The following SLC25A3 variants were observed in gnomAD, a reference collection of about 807,000 sequenced individuals.
SLC25A3 encodes solute carrier family 25 member 3.
In SLC25A3, 14 loss-of-function variants were observed where a neutral mutation model predicts 37.1. The observed-to-expected ratio is 0.38, with a 90% CI of 0.25 to 0.59. SLC25A3 has a LOEUF of 0.59. Ranked by LOEUF, SLC25A3 falls within the 20% of genes least tolerant of loss-of-function variation. SLC25A3 has a pLI of 0.67. For synonymous variants in SLC25A3, 161 were observed against 168.7 expected (o/e 0.95, Z 0.36); for missense variants, 385 against 458.1 (o/e 0.84, Z 1.46).
At chr12:98,595,115 T>G (rs1198072501) in intron 2 of SLC25A3, 3 of 332,244 alleles carry the variant, frequency 9.0e-6, no homozygotes, top group Non-Finnish European at 1.7e-5. Context: ...CTGAGTTTCG[T>G]TTGTACTCTG....
Position 98,604,524 on chromosome 12 carries a change from G to T in SLC25A3, c.*2996G>T, listed in dbSNP as rs1325778679. 3 of 151,620 alleles carry T rather than the reference G, an allele frequency of 2.0e-5. No individual in the cohort carries two copies. The East Asian group carries it at 5.8e-4, about 29-fold the overall frequency. The allele number at this position is 151,620 out of a possible 1,614,324, so 9.4% of individuals were successfully genotyped here. ...TTTTTTTTTTTTCCCTAGAGAACAG[G>T]GTTCTTGCTTTGTCGCCCAGGCTGG... On this transcript the variant is annotated 3_prime_UTR_variant, in exon 8 of 8. Coordinates refer to ENST00000552981, the MANE Select transcript of SLC25A3 (RefSeq NM_002635.4).
Position 98,598,680 on chromosome 12 carries a change from GTA to G in SLC25A3, c.621_622del (p.Tyr207Ter), listed in dbSNP as rs996812877. On this transcript the variant is annotated frameshift_variant, in exon 5 of 8. Transcript: ENST00000552981. LOFTEE classifies it high-confidence loss of function. ...CTTTGAGGGATGCAGCTCCCAAAAT[GTA>G]TAAGGAAGAAGGCCTAAAAGCGTAA... ...NTLRDAAPKM[Y>X]KEEGLKAFYK... is the part of the protein sequence containing the mutation. The G allele has an allele frequency of 4.3e-6, 7 of 1,613,722 alleles. No individual in the cohort carries two copies. In the Admixed American group the frequency reaches 5.0e-5, roughly 12 times the overall value.
chr12:98,600,747 GA>G (rs2097597212), intron 6 of SLC25A3, among the ~76,000 whole-genome samples: 1 of 152,138 alleles, frequency 6.6e-6, no homozygotes, highest in Admixed American at 6.5e-5. Context: ...CCATGTTGAT[GA>G]GTCTGGTCTC....
intron 6 of SLC25A3, chr12:98,600,943 TTTA>T: frequency 2.2e-6 from 1 of 461,786 alleles, no homozygotes; most frequent in Non-Finnish European, 3.9e-6. Context: ...TTTGTTGTTG[TTTA>T]TTAAGAATTT....
At chr12:98,598,475 C>T in intron 4 of SLC25A3, 47 bp from the exon 5 acceptor site, 1 of 1,611,478 alleles carries the variant, frequency 6.2e-7, no homozygotes, top group Non-Finnish European at 8.5e-7. Context: ...CAATTGAAAA[C>T]CAACACAACA....
chr12:98,599,784 A>G (rs1360761991), intron 5 of SLC25A3, 171 bp from the exon 6 acceptor site: 1 of 819,288 alleles, frequency 1.2e-6, no homozygotes, highest in Non-Finnish European at 2.1e-6. Context: ...TTGGCATGTA[A>G]GAGAAATATA....
Position 98,605,285 on chromosome 12 carries a change from T to G in SLC25A3, c.*3757T>G, listed in dbSNP as rs2097600603. The G allele has an allele frequency of 6.6e-6, 1 of 152,212 alleles. No individual in the cohort carries two copies. The highest frequency in any genetic ancestry group is 1.5e-5 in the Non-Finnish European group (1 of 68,108). The allele number at this position is 152,212 out of a possible 1,614,324, so 9.4% of individuals were successfully genotyped here. A position where few individuals can be genotyped will look rare whatever the true frequency, so the allele number is the denominator to read the frequency against. On this transcript the variant is annotated 3_prime_UTR_variant, in exon 8 of 8. Transcript: ENST00000552981. The stretch of plus-strand genomic sequence containing the variant: ...ATTAAGGGGTGTGGTGACACATGCC[T>G]GTAGTCTCAACTATTTGGGAGGCTG...
In SLC25A3 at chr12:98,603,877, A is replaced by G. The variant is rs1034896958; in HGVS notation, c.*2349A>G. On this transcript the variant is annotated 3_prime_UTR_variant, in exon 8 of 8. Transcript: ENST00000552981. The stretch of plus-strand genomic sequence containing the variant: ...AAGATTCTAGTAAGAAAATTTTAAT[A>G]TGTATGTATTGGTGTTCTTTTTACA... The G allele has an allele frequency of 2.0e-5, 3 of 152,158 alleles. No homozygotes were observed. Among genetic ancestry groups the G allele is most frequent in the Non-Finnish European group, 4.4e-5 (3 of 68,052 alleles). 9.4% of individuals were successfully genotyped at this position (152,158 alleles called of 1,614,324 possible). A position where few individuals can be genotyped will look rare whatever the true frequency, so the allele number is the denominator to read the frequency against.
rs115293783 is a variant in SLC25A3 at position 98,596,779 on chromosome 12, C to T, written c.279+931C>T. 1.2e-3 allele frequency among the ~76,000 whole-genome samples: 176 copies of T among 152,132 alleles called. 1 individual carries two copies. Among genetic ancestry groups the T allele is most frequent in the African/African-American group, 4.0e-3 (164 of 41,486 alleles). On this transcript the variant is annotated intron_variant, in intron 3 of 7. Coordinates refer to ENST00000552981, the MANE Select transcript of SLC25A3 (RefSeq NM_002635.4). ...CTGGAATGCCAGCATTTTGGGTAGC[C>T]GAAGCAGGTGGGTCACTTGAGGTCA... is the stretch of plus-strand genomic sequence containing the variant.
intron 5 of SLC25A3, 115 bp downstream of exon 5, chr12:98,598,818 C>T: frequency 1.0e-6 from 1 of 994,788 alleles, no homozygotes; most frequent in Non-Finnish European, 1.5e-6. Context: ...CTCTGTCACC[C>T]AGGCTGGAGT....
rs1239155931 is a variant in SLC25A3 at position 98,602,692 on chromosome 12, T to G, written c.*1164T>G. 1 of 152,198 alleles carries G rather than the reference T, an allele frequency of 6.6e-6. No individual in the cohort carries two copies. Among genetic ancestry groups the G allele is most frequent in the East Asian group, 1.9e-4 (1 of 5,204 alleles). The allele number at this position is 152,198 out of a possible 1,614,324, so 9.4% of individuals were successfully genotyped here. A position where few individuals can be genotyped will look rare whatever the true frequency, so the allele number is the denominator to read the frequency against. On this transcript the variant is annotated 3_prime_UTR_variant, in exon 8 of 8. Transcript: ENST00000552981. ...TTAGGAAGTGTATAAAAGTTCAATC[T>G]TTTGTAATGACAGCCCACCACTGGA...
intron 2 of SLC25A3, 136 bp downstream of exon 2, chr12:98,594,271 G>A: frequency 1.3e-6 from 1 of 772,102 alleles, no homozygotes. Flanking sequence ...CCAGTTGCTT[G>A]CCCTGGGGTA....
At chr12:98,601,006 G>T (rs191269078) in intron 6 of SLC25A3, 165 bp from the exon 7 acceptor site, 4 of 689,976 alleles carry the variant, frequency 5.8e-6, no homozygotes, top group African/African-American at 1.8e-5. Context: ...AGATTGTTCC[G>T]TTTTACATAG....
intron 3 of SLC25A3, 47 bp downstream of exon 3, chr12:98,595,895 ACT>A: frequency 1.3e-6 from 2 of 1,525,292 alleles, no homozygotes; most frequent in South Asian, 2.2e-5. Flanking sequence ...ATGTGACTTA[ACT>A]CTAAATAAAA....
At chr12:98,600,498 C>T (rs991438972) in intron 6 of SLC25A3, among the ~76,000 whole-genome samples, 3 of 152,258 alleles carry the variant, frequency 2.0e-5, no homozygotes, top group East Asian at 1.9e-4. Flanking sequence ...CTGCAGCCTC[C>T]GCCTCCTGGG....
Position 98,597,903 on chromosome 12 carries a change from A to C in SLC25A3, c.327A>C (p.Thr109=). 6.2e-7 allele frequency: 1 copy of C among 1,614,122 alleles called. No individual in the cohort carries two copies. Among genetic ancestry groups the C allele is most frequent in the South Asian group, 1.1e-5 (1 of 91,080 alleles). The change falls in exon 4 of 8, where the codon ACA becomes ACC. Residue 109 remains threonine (T), a synonymous_variant. Transcript: ENST00000552981. Reference sequence around the variant, plus strand: ...GCATATTTAACGGATTCTCAGTTACACTTAAAGAGGATGGTGTTCGTGGTT... The same window carrying C: ...GCATATTTAACGGATTCTCAGTTACCCTTAAAGAGGATGGTGTTCGTGGTT... The part of the protein sequence containing the change: ...YKGIFNGFSV[T]LKEDGVRGLA...
At chr12:98,595,085 T>G in intron 2 of SLC25A3, 1 of 292,018 alleles carries the variant, frequency 3.4e-6, no homozygotes, top group Non-Finnish European at 6.6e-6. Context: ...TGCAAGCCTT[T>G]TACATGTCGA....
chr12:98,594,117 G>T lies in SLC25A3; in HGVS notation c.139G>T (p.Ala47Ser), dbSNP rs2097590896. The T allele has an allele frequency of 6.2e-7, 1 of 1,610,956 alleles. No homozygotes were observed. Among genetic ancestry groups the T allele is most frequent in the African/African-American group, 1.3e-5 (1 of 74,884 alleles). The change falls in exon 2 of 8, where the codon GCA becomes TCA. Residue 47 changes from alanine to serine, a missense_variant. Ala to Ser is a moderately conservative substitution (Grantham distance 99). Transcript: ENST00000552981. The part of the protein sequence containing the change: ...TGQPRRPRNL[A>S]AAAVEEYSCE... ...CCAGCCCCGCCGCCCTCGCAACCTG[G>T]CAGCCGCCGCCGTGGAAGGTGAGAT...
intron 6 of SLC25A3, 137 bp from the exon 7 acceptor site, chr12:98,601,034 C>A: frequency 1.1e-6 from 1 of 922,000 alleles, no homozygotes. Context: ...AGCTTGATAA[C>A]TGTACCCGTG....
Sources: gnomAD v4.1 joint callset for allele counts (sites outside exome capture counted in the v4.1 genomes callset) on GRCh38, gnomAD v4.1.1 for gene constraint, MANE v1.5 for transcripts, NCBI Gene and HGNC (gene_info 2026-07-23, HGNC 2026-07-21) for gene names.